Variants in ADAMTS9 observed in about 807,000 individuals in gnomAD.
ADAMTS9 encodes ADAM metallopeptidase with thrombospondin type 1 motif 9, also known as A disintegrin and metalloproteinase with thrombospondin motifs 9.
ADAMTS9 carries 107 observed loss-of-function variants against 257.1 expected under a neutral mutation model. The observed-to-expected ratio is 0.42, with a 90% CI of 0.36 to 0.49. The LOEUF (loss-of-function observed/expected upper bound fraction) is 0.49, where lower values mean the gene tolerates loss of function less well. Among genes scored for constraint, ADAMTS9 ranks in the 20% least tolerant of loss-of-function variants. ADAMTS9 has a pLI of 0.03. For synonymous variants in ADAMTS9, 982 were observed against 880.9 expected (o/e 1.11, Z -2.03); for missense variants, 2,353 against 2,469.1 (o/e 0.95, Z 1.00).
rs576887535 is a variant in ADAMTS9 at position 64,561,515 on chromosome 3, T to A, written c.4698+63A>T. On this transcript the variant is annotated intron_variant, in intron 30 of 39. Transcript: ENST00000498707. ...TCTCTGGCTTTATAGGGAACAGATG[T>A]GAGGATAGCAAGGGGCGCACACGTG... 84 of 1,543,610 alleles carry A rather than the reference T, an allele frequency of 5.4e-5. No individual in the cohort carries two copies. In the East Asian group the frequency reaches 1.9e-3, roughly 34 times the overall value.
intron 3 of ADAMTS9, among the ~76,000 whole-genome samples, chr3:64,661,312 A>AACTTTCAATATATAT (rs1221561419): frequency 3.9e-5 from 6 of 152,194 alleles, no homozygotes; most frequent in African/African-American, 1.4e-4. Context: ...TACATATATG[A>AACTTTCAATATATAT]GCTTTCAATA....
intron 30 of ADAMTS9, among the ~76,000 whole-genome samples, chr3:64,560,207 G>A (rs2083397344): frequency 6.6e-6 from 1 of 152,198 alleles, no homozygotes; most frequent in African/African-American, 2.4e-5. Flanking sequence ...AACCAAGTCT[G>A]TAGAATTTTA....
At chr3:64,561,842 A>C in intron 29 of ADAMTS9, 91 bp from the exon 30 acceptor site, 1 of 1,102,184 alleles carries the variant, frequency 9.1e-7, no homozygotes, top group Non-Finnish European at 1.3e-6. Context: ...AGGGGAATGC[A>C]CTCCTAATCC....
rs1015483321 is a variant in ADAMTS9 at position 64,686,611 on chromosome 3, G to C, written c.473C>G (p.Thr158Ser). Residue 158 changes from threonine to serine, a missense_variant, in exon 2 of 40, where the codon ACC (threonine) becomes AGC (serine). By Grantham distance (58) the Thr-to-Ser change is moderately conservative (BLOSUM62 1). Transcript: ENST00000498707. This position sits in a 1 kb window ranked among gnomAD's most constrained non-coding sequence, Gnocchi z 4.6. ...KHCFYKGYVN[T>S]NSEHTAVISL... is the part of the protein sequence containing the mutation. ...GATGACGGCCGTGTGCTCGGAGTTG[G>C]TATTGACATAGCCTTTGTAGAAACA... The C allele has an allele frequency of 2.5e-6, 4 of 1,613,728 alleles. No homozygotes were observed. In the East Asian group the frequency reaches 6.7e-5, roughly 27 times the overall value.
chr3:64,645,300 A>T (rs1559808055), intron 11 of ADAMTS9, among the ~76,000 whole-genome samples: 2 of 152,328 alleles, frequency 1.3e-5, no homozygotes, highest in African/African-American at 2.4e-5. Flanking sequence ...ATGAAACTTG[A>T]AACAAAAGAG....
At chr3:64,539,074 T>C in intron 37 of ADAMTS9, 129 bp downstream of exon 37, 1 of 844,230 alleles carries the variant, frequency 1.2e-6, no homozygotes, top group Non-Finnish European at 1.9e-6. Context: ...AGGGTCTTGA[T>C]ACATGTGGCC....
In ADAMTS9 at chr3:64,516,102, A is replaced by G. The variant is rs926326017; in HGVS notation, c.*1025T>C. The G allele has an allele frequency of 6.6e-6, 1 of 152,180 alleles. No homozygotes were observed. The highest frequency in any genetic ancestry group is 1.5e-5 in the Non-Finnish European group (1 of 68,024). 9.4% of individuals were successfully genotyped at this position (152,180 alleles called of 1,614,324 possible). A position where few individuals can be genotyped will look rare whatever the true frequency, so the allele number is the denominator to read the frequency against. ...CATCACCAGCCGATGTTTTCATGCA[A>G]AAGGCAATCGTGATGATTCAGAACC... On this transcript the variant is annotated 3_prime_UTR_variant, in exon 40 of 40. Transcript: ENST00000498707.
chr3:64,633,013 G>C (rs1343010444), intron 14 of ADAMTS9, among the ~76,000 whole-genome samples: 2 of 152,102 alleles, frequency 1.3e-5, no homozygotes, highest in South Asian at 4.1e-4. Flanking sequence ...TTAATTAACA[G>C]GAATGTCTCA....
At chr3:64,668,484 G>A (rs1701403619) in intron 3 of ADAMTS9, among the ~76,000 whole-genome samples, 1 of 152,146 alleles carries the variant, frequency 6.6e-6, no homozygotes, top group Non-Finnish European at 1.5e-5. Context: ...AATCCCAGCT[G>A]CTCTGCATTC....
intron 37 of ADAMTS9, 57 bp downstream of exon 37, chr3:64,539,146 T>G: frequency 6.6e-7 from 1 of 1,515,038 alleles, no homozygotes; most frequent in Non-Finnish European, 9.2e-7. Flanking sequence ...ACTGAGGATG[T>G]TCCCGGGAAA....
At chr3:64,615,157 AG>A in intron 21 of ADAMTS9, 163 bp downstream of exon 21, 1 of 810,930 alleles carries the variant, frequency 1.2e-6, no homozygotes, top group East Asian at 2.6e-5. Context: ...CCAGTACGAC[AG>A]TCATGGTGCA....
intron 4 of ADAMTS9, 62 bp from the exon 5 acceptor site, chr3:64,655,937 A>G: frequency 9.5e-7 from 1 of 1,057,472 alleles, no homozygotes; most frequent in South Asian, 1.7e-5. Flanking sequence ...TAAGCAAGTC[A>G]CGTCTTACGT....
chr3:64,619,929 T>C (rs182502255), intron 19 of ADAMTS9, among the ~76,000 whole-genome samples: 3 of 152,312 alleles, frequency 2.0e-5, no homozygotes, highest in Admixed American at 2.0e-4. Flanking sequence ...TTTAACTCAA[T>C]TGGCTGAAAC....
chr3:64,546,778 T>C lies in ADAMTS9; in HGVS notation c.5044A>G (p.Arg1682Gly), dbSNP rs1484164203. 6.2e-7 allele frequency: 1 copy of C among 1,607,870 alleles called. No homozygotes were observed. The highest frequency in any genetic ancestry group is 8.5e-7 in the Non-Finnish European group (1 of 1,177,176). The change falls in exon 32 of 40, where the codon AGA becomes GGA. Residue 1682 changes from arginine (R) to glycine (G), a missense_variant. Physicochemically the swap from Arg to Gly is moderately radical, Grantham distance 125 (BLOSUM62 -2). Coordinates refer to ENST00000498707, the MANE Select transcript of ADAMTS9 (RefSeq NM_182920.2). ...LRDCPVSATW[R>G]VGNWGSCSVS... ...CTTACGCTCCCCCAGTTGCCAACTC[T>C]CCAGGTGGCCGAGACAGGGCAGTCC...
chr3:64,543,702 T>G (rs1248877424), intron 32 of ADAMTS9, among the ~76,000 whole-genome samples: 11 of 152,192 alleles, frequency 7.2e-5, no homozygotes, highest in Admixed American at 4.6e-4. Context: ...CTTTGAAAAT[T>G]GGCACAAGAC....
At chr3:64,638,201 T>C (rs1237266811) in intron 12 of ADAMTS9, among the ~76,000 whole-genome samples, 1 of 152,206 alleles carries the variant, frequency 6.6e-6, no homozygotes, top group Non-Finnish European at 1.5e-5. Context: ...AAGAAAATGC[T>C]GTGTCTTTCC....
intron 26 of ADAMTS9, 129 bp downstream of exon 26, chr3:64,601,815 G>A: frequency 1.7e-6 from 2 of 1,156,694 alleles, no homozygotes; most frequent in Admixed American, 2.7e-5. Context: ...GTTACTCAAA[G>A]CAAATGAAAA....
chr3:64,555,254 T>G (rs912157099), intron 30 of ADAMTS9, among the ~76,000 whole-genome samples: 1 of 152,220 alleles, frequency 6.6e-6, no homozygotes, highest in Non-Finnish European at 1.5e-5. Context: ...TAAAGCTCAT[T>G]TTAAAGTCAG....
chr3:64,669,953 GA>G (rs934393688), intron 3 of ADAMTS9, among the ~76,000 whole-genome samples: 19 of 151,774 alleles, frequency 1.3e-4, no homozygotes, highest in African/African-American at 4.1e-4. Context: ...TGGCTTGAAA[GA>G]AAAAAAAGTA....
Sources: gnomAD v4.1 joint callset for allele counts (sites outside exome capture counted in the v4.1 genomes callset) on GRCh38, gnomAD v4.1.1 for gene constraint, Gnocchi (gnomAD v3.1) non-coding constraint, MANE v1.5 for transcripts, NCBI Gene and HGNC (gene_info 2026-07-23, HGNC 2026-07-21) for gene names.